The following ZNF638 variants were observed in gnomAD, a reference collection of about 807,000 sequenced individuals.
ZNF638 encodes CTCL tumor antigen se33-1.
A neutral mutation model predicts 195.6 loss-of-function variants in ZNF638; 46 were observed. The observed-to-expected ratio is 0.24, with a 90% CI of 0.19 to 0.30. The LOEUF is 0.30. Ranked by LOEUF, ZNF638 falls within the 10% of genes least tolerant of loss-of-function variation. ZNF638 has a pLI of 1.00. For synonymous variants in ZNF638, 845 were observed against 772.0 expected (o/e 1.09, Z -1.57); for missense variants, 2,440 against 2,325.3 (o/e 1.05, Z -1.01).
intron 2 of ZNF638, among the ~76,000 whole-genome samples, chr2:71,351,781 T>C (rs989397614): frequency 3.9e-5 from 6 of 152,162 alleles, no homozygotes; most frequent in African/African-American, 7.2e-5. Context: ...TTCAGTCTTA[T>C]TGGGGAGAAA....
In ZNF638 at chr2:71,368,638, TGA is replaced by T; in HGVS notation, c.2142+114_2142+115del. The T allele has an allele frequency of 6.0e-6, 7 of 1,164,676 alleles. No homozygotes were observed. In the South Asian group the frequency reaches 1.0e-4, roughly 17 times the overall value. 72.1% of individuals were successfully genotyped at this position (1,164,676 alleles called of 1,614,324 possible). On this transcript the variant is annotated intron_variant, in intron 7 of 27. Transcript: ENST00000264447. ...TTGTACTGCATATATAATTGTTCTT[TGA>T]GAGTTATATAAATGTCTGGATGTGA...
rs751234873 is a variant in ZNF638, at chr2:71,423,513, G to T, written c.3999G>T (p.Lys1333Asn). Reference sequence around the variant, plus strand: ...AAATAGGAACAGAGAAGGCTGAAAAGAATGAAGGTAGGATGGATGCAGAAA... The same window carrying T: ...AAATAGGAACAGAGAAGGCTGAAAATAATGAAGGTAGGATGGATGCAGAAA... ...DLQIGTEKAE[K>N]NEGRMDAEKV... Residue 1333 changes from lysine (K) to asparagine (N), a missense_variant, in exon 22 of 28, where the codon AAG becomes AAT. Around this residue, in one of 5 missense-constraint regions of ZNF638, gnomAD observed 1,883 missense variants for 1,739.1 expected, o/e 1.08. Coordinates refer to ENST00000264447, the MANE Select transcript of ZNF638 (RefSeq NM_014497.5). 2 of 1,614,004 alleles carry T rather than the reference G, an allele frequency of 1.2e-6. No homozygotes were observed. Among genetic ancestry groups the T allele is most frequent in the Non-Finnish European group, 1.7e-6 (2 of 1,179,992 alleles).
intron 8 of ZNF638, among the ~76,000 whole-genome samples, chr2:71,376,778 T>C (rs150680992): frequency 3.9e-5 from 6 of 152,314 alleles, no homozygotes; most frequent in African/African-American, 1.4e-4. Flanking sequence ...AGAAACTAGG[T>C]AACTTAGTCT....
intron 21 of ZNF638, among the ~76,000 whole-genome samples, chr2:71,419,706 A>G (rs998138256): frequency 1.3e-5 from 2 of 152,158 alleles, no homozygotes; most frequent in Admixed American, 6.6e-5. Context: ...AACAGTGCCT[A>G]TGTAGTACTA....
chr2:71,370,475 A>G (rs1436416268), intron 8 of ZNF638, among the ~76,000 whole-genome samples: 5 of 152,196 alleles, frequency 3.3e-5, no homozygotes, highest in Non-Finnish European at 7.3e-5. Context: ...CAAGTTTTGT[A>G]ACTTTAATTT....
At chr2:71,391,906 C>G (rs1278414008) in intron 10 of ZNF638, among the ~76,000 whole-genome samples, 1 of 152,104 alleles carries the variant, frequency 6.6e-6, no homozygotes, top group African/African-American at 2.4e-5. Context: ...ATATTCAGTT[C>G]AGTTGTTTGT....
chr2:71,429,427 A>G (rs2080610056), intron 25 of ZNF638, among the ~76,000 whole-genome samples: 1 of 152,102 alleles, frequency 6.6e-6, no homozygotes, highest in South Asian at 2.1e-4. Context: ...CCCCTTCTAC[A>G]TCACCTAACC....
Position 71,423,259 on chromosome 2 carries a change from G to T in ZNF638, c.3745G>T (p.Asp1249Tyr). The part of the protein sequence containing the change: ...ILEESPSEAE[D>Y]FISGITQTMV... ...AGAAGAATCTCCATCTGAAGCAGAA[G>T]ATTTCATTTCTGGAATTACACAGAC... Residue 1249 changes from aspartate (D) to tyrosine (Y), a missense_variant, in exon 22 of 28, where the codon GAT becomes TAT. Transcript: ENST00000264447. 1.9e-6 allele frequency: 3 copies of T among 1,614,050 alleles called. No homozygotes were observed. The highest frequency in any genetic ancestry group is 2.5e-6 in the Non-Finnish European group (3 of 1,179,974).
intron 10 of ZNF638, among the ~76,000 whole-genome samples, chr2:71,389,529 A>G (rs1489325107): frequency 2.0e-5 from 3 of 152,168 alleles, no homozygotes; most frequent in Non-Finnish European, 2.9e-5. Context: ...TGTATGAACA[A>G]CAAGCCAACC....
chr2:71,424,752 C>T, intron 23 of ZNF638, 37 bp downstream of exon 23: 1 of 1,507,410 alleles, frequency 6.6e-7, no homozygotes, highest in Non-Finnish European at 9.2e-7. Context: ...CCTTCTTTTT[C>T]ATCTCCATAG....
At chr2:71,352,510 A>C (rs1158797055) in intron 2 of ZNF638, among the ~76,000 whole-genome samples, 1 of 136,800 alleles carries the variant, frequency 7.3e-6, no homozygotes, top group Admixed American at 7.4e-5. Flanking sequence ...AAAAAAAAAA[A>C]GAAGAGGAGG....
chr2:71,412,914 G>T (rs1372289385), intron 20 of ZNF638, among the ~76,000 whole-genome samples: 1 of 132,958 alleles, frequency 7.5e-6, no homozygotes, highest in Non-Finnish European at 1.6e-5. Flanking sequence ...GTAGTGTGAT[G>T]CCTCCAGCTT....
intron 22 of ZNF638, among the ~76,000 whole-genome samples, 163 bp from the exon 23 acceptor site, chr2:71,424,487 T>C (rs923528228): frequency 9.2e-5 from 14 of 152,220 alleles, no homozygotes; most frequent in African/African-American, 3.4e-4. Context: ...CTATACTGTT[T>C]AGTGACTGTT....
intron 20 of ZNF638, 84 bp from the exon 21 acceptor site, chr2:71,418,509 TGAGCTTAAA>T: frequency 3.4e-6 from 3 of 887,256 alleles, no homozygotes; most frequent in Non-Finnish European, 1.6e-6. Flanking sequence ...TTTTTTTTTT[TGAGCTTAAA>T]TTTTTACTAA....
At chr2:71,381,082 C>G (rs2079527503) in intron 10 of ZNF638, among the ~76,000 whole-genome samples, 1 of 152,096 alleles carries the variant, frequency 6.6e-6, no homozygotes, top group Non-Finnish European at 1.5e-5. Flanking sequence ...ATAAATTTTG[C>G]ATACAGTTTT....
rs757960987 is a variant in ZNF638 at position 71,423,399 on chromosome 2, G to A, written c.3885G>A (p.Val1295=). ...PGIPTGDEKT[V]DKKNISEKKG... is the part of the protein sequence containing the mutation. ...TTCCCACTGGGGATGAGAAGACAGT[G>A]GACAAAAAGAATATTTCTGAAAAAA... Residue 1295 remains valine, a synonymous_variant, in exon 22 of 28, where the codon GTG becomes GTA. Coordinates refer to ENST00000264447, the MANE Select transcript of ZNF638 (RefSeq NM_014497.5). 4 of 1,613,570 alleles carry A rather than the reference G, an allele frequency of 2.5e-6. No individual in the cohort carries two copies. The highest frequency in any genetic ancestry group is 2.2e-5 in the South Asian group (2 of 91,042).
Position 71,373,437 on chromosome 2 carries a change from A to ATTTTTTTT in ZNF638, c.2265+3452_2265+3459dup, listed in dbSNP as rs754117239. Among the ~76,000 whole-genome samples the ATTTTTTTT allele has an allele frequency of 6.3e-4, 45 of 71,048 alleles. 5 individuals are homozygous for ATTTTTTTT. Among genetic ancestry groups the ATTTTTTTT allele is most frequent in the African/African-American group, 2.5e-3 (45 of 17,850 alleles). 46.6% of individuals were successfully genotyped at this position (71,048 alleles called of 152,430 possible). ...TTATGCATACATATATCAAGTTTGAATTTTTTTTTTTTTTTTTTTTTTTTT... is the reference window on the plus strand; with the variant it reads ...TTATGCATACATATATCAAGTTTGAATTTTTTTTTTTTTTTTTTTTTTTTTTTTTTTTT... On this transcript the variant is annotated intron_variant, in intron 8 of 27. Transcript: ENST00000264447.
chr2:71,368,332 A>G (rs759886671), intron 6 of ZNF638, 50 bp from the exon 7 acceptor site: 2 of 1,545,526 alleles, frequency 1.3e-6, no homozygotes, highest in Non-Finnish European at 1.8e-6. Context: ...ATTACTGTAC[A>G]TTGTAGCTTA....
chr2:71,354,405 TA>T (rs1369672688), intron 2 of ZNF638, among the ~76,000 whole-genome samples: 1 of 152,004 alleles, frequency 6.6e-6, no homozygotes, highest in African/African-American at 2.4e-5. Context: ...ATTGTAATTT[TA>T]GGACAGATTT....
Sources: allele counts gnomAD v4.1 joint callset (sites outside exome capture counted in the v4.1 genomes callset), GRCh38; gene constraint gnomAD v4.1.1; regional missense constraint gnomAD v4.1.1; transcripts MANE v1.5; gene names NCBI Gene and HGNC (gene_info 2026-07-23, HGNC 2026-07-21).